Variants in CNTN6 observed in about 807,000 individuals in gnomAD.
CNTN6 encodes the protein contactin-6.
In CNTN6, 137 loss-of-function variants were observed where a neutral mutation model predicts 122.8. That is an observed-to-expected ratio of 1.12 (90% CI 0.97 to 1.29). The LOEUF is 1.29. CNTN6 is among the 50% of genes most tolerant of loss of function. The pLI is 0.00. For synonymous variants in CNTN6, 570 were observed against 426.0 expected (o/e 1.34, Z -4.16); for missense variants, 1,634 against 1,223.4 (o/e 1.34, Z -5.01).
chr3:1,266,463 C>G (rs2094927776), intron 4 of CNTN6, among the ~76,000 whole-genome samples: 1 of 152,096 alleles, frequency 6.6e-6, no homozygotes, highest in Non-Finnish European at 1.5e-5. Context: ...GAGCTTATGT[C>G]CATGGGAAGT....
At chr3:1,168,806 T>C (rs1433803762) in intron 2 of CNTN6, among the ~76,000 whole-genome samples, 1 of 152,028 alleles carries the variant, frequency 6.6e-6, no homozygotes, top group Non-Finnish European at 1.5e-5. Context: ...GTGGAGTTAA[T>C]GATGAGCAAA....
intron 4 of CNTN6, among the ~76,000 whole-genome samples, chr3:1,256,930 A>C (rs1164824220): frequency 6.6e-6 from 1 of 152,170 alleles, no homozygotes; most frequent in Non-Finnish European, 1.5e-5. Context: ...AGTAGGTTAT[A>C]CATTTTAAAT....
chr3:1,176,908 C>G (rs2093461321), intron 2 of CNTN6, among the ~76,000 whole-genome samples: 1 of 152,222 alleles, frequency 6.6e-6, no homozygotes, highest in East Asian at 1.9e-4. Flanking sequence ...GAGTAAAAGG[C>G]CTCCTCAATG....
At chr3:1,109,305 A>G (rs187421537) in intron 1 of CNTN6, among the ~76,000 whole-genome samples, 45 of 152,200 alleles carry the variant, frequency 3.0e-4, no homozygotes, top group Middle Eastern at 3.4e-3. Context: ...CAAAAACTCA[A>G]TGTACCTTTT....
intron 2 of CNTN6, among the ~76,000 whole-genome samples, chr3:1,191,712 C>G (rs1377806246): frequency 6.6e-6 from 1 of 152,154 alleles, no homozygotes; most frequent in African/African-American, 2.4e-5. Context: ...CAACTGGCAC[C>G]TGAAATGGAG....
At chr3:1,118,878 A>C (rs2091836681) in intron 1 of CNTN6, among the ~76,000 whole-genome samples, 1 of 152,122 alleles carries the variant, frequency 6.6e-6, no homozygotes, top group South Asian at 2.1e-4. Context: ...AAAACAAACA[A>C]AACAAAACAA....
rs140993005 is a variant in CNTN6, at chr3:1,393,750, A to G, written c.2705-7683A>G. On this transcript the variant is annotated intron_variant, in intron 20 of 22. Coordinates refer to ENST00000446702, the MANE Select transcript of CNTN6 (RefSeq NM_001289080.2). ...ACTTTTATTATACATAATCCCATCA[A>G]CCAGTTTAAGGTGGATTGAAACTTG... Among the ~76,000 whole-genome samples, 14 of 152,156 alleles carry G rather than the reference A, an allele frequency of 9.2e-5. No homozygotes were observed. In the East Asian group the frequency reaches 1.9e-3, roughly 21 times the overall value.
chr3:1,353,556 A>G lies in CNTN6; in HGVS notation c.1492+1105A>G, dbSNP rs561321098. On this transcript the variant is annotated intron_variant, in intron 12 of 22. Coordinates refer to ENST00000446702, the MANE Select transcript of CNTN6 (RefSeq NM_001289080.2). ...CTTCCTTAAGATTGTATTGTCATCAATTTTTAAGACAGAGATGGACTTAAG... is the reference window on the plus strand; with the variant it reads ...CTTCCTTAAGATTGTATTGTCATCAGTTTTTAAGACAGAGATGGACTTAAG... Among the ~76,000 whole-genome samples the G allele has an allele frequency of 2.5e-3, 386 of 151,700 alleles. 3 individuals carry two copies. Among genetic ancestry groups the G allele is most frequent in the Non-Finnish European group, 3.8e-3 (259 of 67,682 alleles).
chr3:1,295,706 A>T lies in CNTN6; in HGVS notation c.560A>T (p.Glu187Val). Residue 187 changes from glutamate to valine, a missense_variant, in exon 6 of 23, where the codon GAA (glutamate) becomes GTA (valine). Physicochemically the swap from Glu to Val is moderately radical, Grantham distance 121 (BLOSUM62 -2). Coordinates refer to ENST00000446702, the MANE Select transcript of CNTN6 (RefSeq NM_001289080.2). ...GGAAACTTGTACATTGCCAAAGTGG[A>T]ACCATCAGATGTGGGCAACTACACT... The part of the protein sequence containing the change: ...ETGNLYIAKV[E>V]PSDVGNYTCF... 6.2e-7 allele frequency: 1 copy of T among 1,614,094 alleles called. No individual in the cohort carries two copies. Among genetic ancestry groups the T allele is most frequent in the Non-Finnish European group, 8.5e-7 (1 of 1,179,950 alleles).
chr3:1,257,767 A>G (rs1369808115), intron 4 of CNTN6, among the ~76,000 whole-genome samples: 1 of 152,204 alleles, frequency 6.6e-6, no homozygotes, highest in African/African-American at 2.4e-5. Flanking sequence ...CAAAGCTCAA[A>G]GCTACACCGA....
intron 2 of CNTN6, among the ~76,000 whole-genome samples, chr3:1,162,114 T>C (rs1190218961): frequency 6.6e-6 from 1 of 152,180 alleles, no homozygotes; most frequent in Non-Finnish European, 1.5e-5. Flanking sequence ...TGCTGTCTGC[T>C]CACTTTGCCA....
intron 20 of CNTN6, among the ~76,000 whole-genome samples, chr3:1,397,101 A>G (rs1412565466): frequency 5.3e-5 from 8 of 152,196 alleles, no homozygotes; most frequent in Non-Finnish European, 1.0e-4. Context: ...TACTCAAGAG[A>G]TAGTGCCTCC....
intron 19 of CNTN6, among the ~76,000 whole-genome samples, chr3:1,384,812 CATATATATATATAT>C (rs60437325): frequency 8.4e-6 from 1 of 118,500 alleles, no homozygotes; most frequent in African/African-American, 3.2e-5. Flanking sequence ...CACACACACA[CATATATATATATAT>C]ATATAACCAT....
At position 1,349,598 on chromosome 3, in the gene CNTN6, C is replaced by T. The variant is rs535073938; in HGVS notation, c.1365-2726C>T. ...ATGTTCCAGTTAATTCTTACATGTG[C>T]ATTTTGCCTTATCTGAAAATGCCAA... On this transcript the variant is annotated intron_variant, in intron 11 of 22. Transcript: ENST00000446702. 4.6e-5 allele frequency among the ~76,000 whole-genome samples: 7 copies of T among 151,992 alleles called. No homozygotes were observed. The East Asian group carries it at 1.4e-3, about 29-fold the overall frequency.
intron 3 of CNTN6, among the ~76,000 whole-genome samples, chr3:1,221,525 G>A (rs1180240118): frequency 2.0e-5 from 3 of 152,036 alleles, no homozygotes; most frequent in African/African-American, 7.2e-5. Context: ...ACCCTCTAAG[G>A]CAGAAAGGGA....
At chr3:1,246,539 G>T (rs2094585407) in intron 4 of CNTN6, among the ~76,000 whole-genome samples, 1 of 152,000 alleles carries the variant, frequency 6.6e-6, no homozygotes, top group African/African-American at 2.4e-5. Context: ...TTTCTCTGTT[G>T]TATATACCAG....
chr3:1,188,388 A>C (rs1306598351), intron 2 of CNTN6, among the ~76,000 whole-genome samples: 1 of 152,240 alleles, frequency 6.6e-6, no homozygotes, highest in South Asian at 2.1e-4. Flanking sequence ...TAAGGCTTTT[A>C]GAATTAGCAA....
intron 5 of CNTN6, among the ~76,000 whole-genome samples, chr3:1,294,498 A>T (rs1038115590): frequency 1.3e-5 from 2 of 152,160 alleles, no homozygotes; most frequent in African/African-American, 4.8e-5. Flanking sequence ...TTGGGGAAGG[A>T]TGGTTACAGG....
chr3:1,131,959 A>C (rs2092347541), intron 1 of CNTN6, among the ~76,000 whole-genome samples: 1 of 152,204 alleles, frequency 6.6e-6, no homozygotes, highest in South Asian at 2.1e-4. Flanking sequence ...AATCAGGAAC[A>C]ATATTGTGCC....
Sources: allele counts gnomAD v4.1 joint callset (sites outside exome capture counted in the v4.1 genomes callset), GRCh38; gene constraint gnomAD v4.1.1; transcripts MANE v1.5; gene names NCBI Gene and HGNC (gene_info 2026-07-23, HGNC 2026-07-21).